TRAPPC8: variants seen among roughly 807,000 people sequenced by gnomAD.
The protein encoded by TRAPPC8 is general sporulation gene 1 homolog.
In TRAPPC8, 54 loss-of-function variants were observed where a neutral mutation model predicts 174.3. The ratio of observed to expected loss-of-function variants is 0.31; its 90% confidence interval spans 0.25 to 0.39. TRAPPC8 has a LOEUF of 0.39. Ranked by LOEUF, TRAPPC8 falls within the 10% of genes least tolerant of loss-of-function variation. The probability of loss-of-function intolerance (pLI) is 1.00; values close to 1 mark genes in which losing one functional copy is unlikely to be tolerated. For synonymous variants in TRAPPC8, 630 were observed against 579.9 expected (o/e 1.09, Z -1.24); for missense variants, 1,531 against 1,699.1 (o/e 0.90, Z 1.74).
chr18:31,857,379 G>A (rs2034077298), intron 20 of TRAPPC8, among the ~76,000 whole-genome samples, 161 bp downstream of exon 20: 1 of 152,070 alleles, frequency 6.6e-6, no homozygotes, highest in South Asian at 2.1e-4. Flanking sequence ...TGGGTACCTA[G>A]AACTTACAGT....
At chr18:31,848,962 T>TA (rs905772659) in intron 25 of TRAPPC8, among the ~76,000 whole-genome samples, 5 of 152,106 alleles carry the variant, frequency 3.3e-5, no homozygotes, top group South Asian at 4.2e-4. Flanking sequence ...TTTAACAGGG[T>TA]AAAATAGTAT....
Position 31,839,329 on chromosome 18 carries a change from A to G in TRAPPC8, c.3966T>C (p.His1322=), listed in dbSNP as rs1266768939. 2 of 1,600,350 alleles carry G rather than the reference A, an allele frequency of 1.2e-6. No individual in the cohort carries two copies. The change falls in exon 27 of 29, where the codon CAT becomes CAC. Residue 1322 remains histidine, a synonymous_variant. Transcript: ENST00000283351. ...GCTCAAACCTTTTTTGATGAAATGG[A>G]TGATTAAATGATTCTGGGTAGTGAA... is the stretch of plus-strand genomic sequence containing the variant. ...TSLHYPESFN[H]PFHQKSLCLV... is the part of the protein sequence containing the mutation.
chr18:31,859,345 G>T (rs1334627738), intron 19 of TRAPPC8, among the ~76,000 whole-genome samples: 1 of 152,048 alleles, frequency 6.6e-6, no homozygotes, highest in Non-Finnish European at 1.5e-5. Context: ...AAAAATAAAT[G>T]AGAAAACAAG....
intron 14 of TRAPPC8, among the ~76,000 whole-genome samples, chr18:31,871,878 C>T (rs566965515): frequency 1.9e-4 from 29 of 151,890 alleles, no homozygotes; most frequent in Non-Finnish European, 5.9e-5. Flanking sequence ...AATACTAAAT[C>T]GTATCTCAAG....
Position 31,866,861 on chromosome 18 carries a change from C to T in TRAPPC8, c.2578G>A (p.Gly860Arg), listed in dbSNP as rs771882805. Reference sequence around the variant, plus strand: ...CTATAGCCTTTACCTGTGTGACATCCGGGAAGAGCACCAATGCCATCTACT... The same window carrying T: ...CTATAGCCTTTACCTGTGTGACATCTGGGAAGAGCACCAATGCCATCTACT... The part of the protein sequence containing the change: ...MTVDGIGALP[G>R]CHTGKYSLSM... The change falls in exon 18 of 29, where the codon GGA becomes AGA. Residue 860 changes from glycine to arginine, a missense_variant. Transcript: ENST00000283351. 12 of 1,612,998 alleles carry T rather than the reference C, an allele frequency of 7.4e-6. No individual in the cohort carries two copies. Among genetic ancestry groups the T allele is most frequent in the African/African-American group, 1.3e-5 (1 of 74,974 alleles).
intron 28 of TRAPPC8, among the ~76,000 whole-genome samples, chr18:31,831,877 G>A (rs1004560726): frequency 2.7e-5 from 4 of 150,772 alleles, no homozygotes; most frequent in Admixed American, 1.3e-4. Context: ...ATTTTTTTTT[G>A]TTGTTAAGTA....
chr18:31,940,379 C>T (rs557778121), intron 1 of TRAPPC8, among the ~76,000 whole-genome samples: 2 of 152,106 alleles, frequency 1.3e-5, no homozygotes, highest in South Asian at 4.2e-4. Context: ...GCTGGAAAAT[C>T]GCTTGAACCT....
At chr18:31,833,572 C>T (rs571360803) in intron 27 of TRAPPC8, among the ~76,000 whole-genome samples, 1 of 152,192 alleles carries the variant, frequency 6.6e-6, no homozygotes, top group Admixed American at 6.5e-5. Context: ...TTAATTAGCA[C>T]CACAATGCAA....
intron 22 of TRAPPC8, 74 bp downstream of exon 22, chr18:31,853,775 C>CATTCTGGTACT: frequency 9.4e-7 from 1 of 1,068,486 alleles, no homozygotes; most frequent in Non-Finnish European, 1.3e-6. Context: ...AATCTTAAGA[C>CATTCTGGTACT]ATTCTGGTAC....
At chr18:31,881,120 T>C (rs1291184491) in intron 12 of TRAPPC8, among the ~76,000 whole-genome samples, 2 of 152,026 alleles carry the variant, frequency 1.3e-5, no homozygotes, top group African/African-American at 2.4e-5. Flanking sequence ...TAATGTCATT[T>C]TCCACAGAAT....
intron 9 of TRAPPC8, among the ~76,000 whole-genome samples, chr18:31,903,420 T>C (rs1179786078): frequency 6.6e-6 from 1 of 152,212 alleles, no homozygotes; most frequent in Non-Finnish European, 1.5e-5. Context: ...GTAAACACTT[T>C]GGGTTATGGT....
chr18:31,880,090 A>AAAAATATAT (rs1259899654), intron 12 of TRAPPC8, among the ~76,000 whole-genome samples: 32 of 85,328 alleles, frequency 3.8e-4, no homozygotes, highest in African/African-American at 5.7e-4. Flanking sequence ...TGAAAAAAAA[A>AAAAATATAT]ATATATATAT....
intron 10 of TRAPPC8, among the ~76,000 whole-genome samples, chr18:31,899,628 G>A (rs550374349): frequency 2.0e-5 from 3 of 152,242 alleles, no homozygotes; most frequent in Non-Finnish European, 4.4e-5. Context: ...TTACTACTAC[G>A]TAAGTCTTCA....
intron 12 of TRAPPC8, 30 bp from the exon 13 acceptor site, chr18:31,874,734 A>G (rs1188073351): frequency 6.3e-7 from 1 of 1,579,030 alleles, no homozygotes; most frequent in Non-Finnish European, 8.6e-7. Context: ...ATAATGTATT[A>G]TACTCCAAAT....
chr18:31,930,122 CT>C (rs763334461), intron 2 of TRAPPC8, among the ~76,000 whole-genome samples: 2,335 of 144,028 alleles, frequency 0.016, 30 homozygotes, highest in African/African-American at 0.035. Flanking sequence ...TTAGGAAAAA[CT>C]TTTTTTTTTT....
intron 19 of TRAPPC8, 42 bp downstream of exon 19, chr18:31,864,585 T>C: frequency 1.3e-6 from 2 of 1,588,114 alleles, no homozygotes; most frequent in Non-Finnish European, 8.6e-7. Context: ...TATTTGCTCA[T>C]ATAGATAAAT....
intron 11 of TRAPPC8, among the ~76,000 whole-genome samples, chr18:31,892,137 T>C (rs2035977656): frequency 6.6e-6 from 1 of 152,192 alleles, no homozygotes; most frequent in Non-Finnish European, 1.5e-5. Context: ...TACAAACTAA[T>C]TTTTTTAAAA....
At chr18:31,868,093 T>C (rs773806631) in intron 16 of TRAPPC8, among the ~76,000 whole-genome samples, 23 of 152,076 alleles carry the variant, frequency 1.5e-4, no homozygotes, top group African/African-American at 9.7e-5. Context: ...GAAAGACAGG[T>C]AGACAATAAC....
chr18:31,831,799 T>C (rs1041022433), intron 28 of TRAPPC8, among the ~76,000 whole-genome samples: 5 of 152,280 alleles, frequency 3.3e-5, no homozygotes, highest in African/African-American at 1.2e-4. Flanking sequence ...TTTCCAAAAA[T>C]TCAAAAATTT....
Sources: gnomAD v4.1 joint callset for allele counts (sites outside exome capture counted in the v4.1 genomes callset) on GRCh38, gnomAD v4.1.1 for gene constraint, MANE v1.5 for transcripts, NCBI Gene and HGNC (gene_info 2026-07-23, HGNC 2026-07-21) for gene names.